The following SNCB variants were observed in gnomAD, a reference collection of about 807,000 sequenced individuals.
SNCB encodes the protein beta-synuclein.
Under a neutral mutation model 20.0 loss-of-function variants are expected in SNCB, and 8 were observed. That is an observed-to-expected ratio of 0.40 (90% confidence interval 0.24 to 0.72). The LOEUF (loss-of-function observed/expected upper bound fraction) is 0.72. SNCB is among the 30% of genes least tolerant of loss of function. The pLI is 0.37. For missense variants in SNCB, 125 were observed against 168.0 expected (o/e 0.74, Z 1.41); for synonymous variants, 56 against 65.4 (o/e 0.86, Z 0.69).
Position 176,626,282 on chromosome 5 carries a change from G to A in SNCB, c.282+116C>T. On this transcript the variant is annotated intron_variant, in intron 4 of 5. Coordinates refer to ENST00000393693, the MANE Select transcript of SNCB (RefSeq NM_003085.5). The surrounding 1 kb of genome is among the most constrained non-coding windows in gnomAD (Gnocchi z 4.2). Reference sequence around the variant, plus strand: ...GGAGGCAAAGTGGCTTGTGTTCCAAGCTGGTGGCAGGATTAGGGGGGCGGG... The same window carrying A: ...GGAGGCAAAGTGGCTTGTGTTCCAAACTGGTGGCAGGATTAGGGGGGCGGG... 1 of 832,114 alleles carries A rather than the reference G, an allele frequency of 1.2e-6. No individual in the cohort carries two copies. The highest frequency in any genetic ancestry group is 2.1e-6 in the Non-Finnish European group (1 of 481,850). 51.5% of individuals were successfully genotyped at this position (832,114 alleles called of 1,614,324 possible). A position where few individuals can be genotyped will look rare whatever the true frequency, so the allele number is the denominator to read the frequency against.
In SNCB at chr5:176,621,957, G is replaced by A. The variant is rs923321; in HGVS notation, c.283-654C>T. 0.99 allele frequency among the ~76,000 whole-genome samples: 150,139 copies of A among 152,366 alleles called. 74,009 individuals are homozygous for A. Among genetic ancestry groups the A allele is most frequent in the Middle Eastern group, 1 (294 of 294 alleles). Reference sequence around the variant, plus strand: ...GCCAGCCACCTGCAGGTGACCACATGTATGTGAACAAACATGGGACTGAGC... The same window carrying A: ...GCCAGCCACCTGCAGGTGACCACATATATGTGAACAAACATGGGACTGAGC... On this transcript the variant is annotated intron_variant, in intron 4 of 5. Coordinates refer to ENST00000393693, the MANE Select transcript of SNCB (RefSeq NM_003085.5). The surrounding 1 kb of genome is among the most constrained non-coding windows in gnomAD (Gnocchi z 4.1).
Position 176,629,990 on chromosome 5 carries a change from C to T in SNCB, c.-10+290G>A, listed in dbSNP as rs893112970. 1.9e-5 allele frequency: 5 copies of T among 269,664 alleles called. No individual in the cohort carries two copies. The highest frequency in any genetic ancestry group is 9.8e-5 in the East Asian group (1 of 10,204). 16.7% of individuals were successfully genotyped at this position (269,664 alleles called of 1,614,324 possible). The stretch of plus-strand genomic sequence containing the variant: ...CCTGTACACGCACGGCACAGTCACA[C>T]GGTCATGCACACAAACATACACCAC... On this transcript the variant is annotated intron_variant, in intron 1 of 5. Transcript: ENST00000393693. This position sits in a 1 kb window ranked among gnomAD's most constrained non-coding sequence, Gnocchi z 4.1.
At position 176,620,815 on chromosome 5, in the gene SNCB, G is replaced by A. The variant is rs189337482; in HGVS notation, c.401C>T (p.Ala134Val). ...GGTGGGGGCTCTCCTGGGCCCCTAC[G>A]CCTCTGGCTCATACTCCTGATATTC... ...QEEYQEYEPEA is the reference protein window; with the variant it reads ...QEEYQEYEPEV The change falls in exon 6 of 6, where the codon GCG becomes GTG. Residue 134 changes from alanine (A) to valine (V), a missense_variant. Coordinates refer to ENST00000393693, the MANE Select transcript of SNCB (RefSeq NM_003085.5). This position sits in a 1 kb window ranked among gnomAD's most constrained non-coding sequence, Gnocchi z 4.5. The A allele has an allele frequency of 7.4e-6, 12 of 1,613,498 alleles. No individual in the cohort carries two copies. In the Admixed American group the frequency reaches 1.7e-4, roughly 22 times the overall value.
chr5:176,623,121 C>T (rs760028043), intron 4 of SNCB, among the ~76,000 whole-genome samples: 6 of 152,098 alleles, frequency 3.9e-5, no homozygotes, highest in Admixed American at 6.5e-5. Flanking sequence ...TAGTGGCTCA[C>T]GCCCGTTACC....
chr5:176,626,572 G>T lies in SNCB; in HGVS notation c.164-56C>A. On this transcript the variant is annotated intron_variant, in intron 3 of 5. Transcript: ENST00000393693. The surrounding 1 kb of genome is among the most constrained non-coding windows in gnomAD (Gnocchi z 4.2). Reference sequence around the variant, plus strand: ...TTGGGAGCCAGGGGGAAACACCGATGCCCTGCCTTGTAGTATCCCAGGGCC... The same window carrying T: ...TTGGGAGCCAGGGGGAAACACCGATTCCCTGCCTTGTAGTATCCCAGGGCC... The T allele has an allele frequency of 6.6e-7, 1 of 1,520,472 alleles. No homozygotes were observed. The highest frequency in any genetic ancestry group is 9.1e-7 in the Non-Finnish European group (1 of 1,094,818). The allele number at this position is 1,520,472 out of a possible 1,614,324, so 94.2% of individuals were successfully genotyped here.
chr5:176,626,359 TG>T lies in SNCB; in HGVS notation c.282+38del. On this transcript the variant is annotated intron_variant, in intron 4 of 5. Coordinates refer to ENST00000393693, the MANE Select transcript of SNCB (RefSeq NM_003085.5). This position sits in a 1 kb window ranked among gnomAD's most constrained non-coding sequence, Gnocchi z 4.2. ...TGGTGTGTGTGTGTGTGTGTGTGTG[TG>T]TGTTTGCCTGCATGTGCGGGTCAGA... The T allele has an allele frequency of 1.8e-6, 2 of 1,131,784 alleles. No individual in the cohort carries two copies. The highest frequency in any genetic ancestry group is 1.3e-6 in the Non-Finnish European group (1 of 741,482). 70.1% of individuals were successfully genotyped at this position (1,131,784 alleles called of 1,614,324 possible). A position where few individuals can be genotyped will look rare whatever the true frequency, so the allele number is the denominator to read the frequency against.
rs1459758833 is a variant in SNCB, at chr5:176,629,776, C to T, written c.-9-113G>A. On this transcript the variant is annotated intron_variant, in intron 1 of 5. Transcript: ENST00000393693. This position sits in a 1 kb window ranked among gnomAD's most constrained non-coding sequence, Gnocchi z 4.1. The stretch of plus-strand genomic sequence containing the variant: ...CCGAGACCGCGGCGCCCTTCTGGAC[C>T]CTGAGCCCCCTCCCGCTTTCCCCCC... The T allele has an allele frequency of 2.2e-6, 3 of 1,389,778 alleles. No homozygotes were observed. The highest frequency in any genetic ancestry group is 2.9e-6 in the Non-Finnish European group (3 of 1,039,996). The allele number at this position is 1,389,778 out of a possible 1,614,324, so 86.1% of individuals were successfully genotyped here.
chr5:176,625,061 C>T (rs1030158914), intron 4 of SNCB, among the ~76,000 whole-genome samples: 11 of 152,198 alleles, frequency 7.2e-5, no homozygotes, highest in East Asian at 3.9e-4. Flanking sequence ...AGGGTCTGCA[C>T]GCGTCCATGG....
In SNCB at chr5:176,629,819, A is replaced by C; in HGVS notation, c.-9-156T>G. The C allele has an allele frequency of 9.5e-7, 1 of 1,049,618 alleles. No individual in the cohort carries two copies. The highest frequency in any genetic ancestry group is 1.3e-6 in the Non-Finnish European group (1 of 752,298). 65.0% of individuals were successfully genotyped at this position (1,049,618 alleles called of 1,614,324 possible). On this transcript the variant is annotated intron_variant, in intron 1 of 5. Coordinates refer to ENST00000393693, the MANE Select transcript of SNCB (RefSeq NM_003085.5). This position sits in a 1 kb window ranked among gnomAD's most constrained non-coding sequence, Gnocchi z 4.1. ...TTCCCCCCATCCCACCCCACTCCCC[A>C]GTGCGAAGCCTCAGGGCCGCGGAGA...
chr5:176,624,827 A>AAT (rs1759842303), intron 4 of SNCB, among the ~76,000 whole-genome samples: 1 of 151,804 alleles, frequency 6.6e-6, no homozygotes, highest in Non-Finnish European at 1.5e-5. Context: ...ACAAAAAAAA[A>AAT]CAAATGGGAA....
intron 2 of SNCB, among the ~76,000 whole-genome samples, chr5:176,628,708 G>A (rs1285522982): frequency 6.6e-6 from 1 of 152,164 alleles, no homozygotes; most frequent in Non-Finnish European, 1.5e-5. Context: ...ATGTCAACTC[G>A]CACTGCTGAA....
At chr5:176,627,602 C>G (rs1581174784) in intron 2 of SNCB, among the ~76,000 whole-genome samples, 1 of 151,868 alleles carries the variant, frequency 6.6e-6, no homozygotes, top group South Asian at 2.1e-4. Context: ...GACAATTTGG[C>G]AACACAGACA....
At chr5:176,624,658 C>T (rs1422910507) in intron 4 of SNCB, among the ~76,000 whole-genome samples, 9 of 151,954 alleles carry the variant, frequency 5.9e-5, no homozygotes, top group South Asian at 2.1e-4. Flanking sequence ...AAAAATTAGC[C>T]GGGTGTGGTA....
chr5:176,621,482 G>A lies in SNCB; in HGVS notation c.283-179C>T, dbSNP rs566875045. Among the ~76,000 whole-genome samples the A allele has an allele frequency of 6.6e-6, 1 of 152,346 alleles. No individual in the cohort carries two copies. Among genetic ancestry groups the A allele is most frequent in the African/African-American group, 2.4e-5 (1 of 41,586 alleles). On this transcript the variant is annotated intron_variant, in intron 4 of 5. Transcript: ENST00000393693. This position sits in a 1 kb window ranked among gnomAD's most constrained non-coding sequence, Gnocchi z 4.1. ...TGGAAGTGGGATGGAGGTGAAGGGG[G>A]AAATTCCCCCGAATCACAGTTGAAG...
intron 4 of SNCB, among the ~76,000 whole-genome samples, chr5:176,622,818 C>T (rs60813154): frequency 6.6e-6 from 1 of 150,630 alleles, no homozygotes; most frequent in Non-Finnish European, 1.5e-5. Flanking sequence ...CTCACCGCAA[C>T]CTCAGCCTCC....
chr5:176,627,833 G>A (rs1418047822), intron 2 of SNCB, among the ~76,000 whole-genome samples: 1 of 152,224 alleles, frequency 6.6e-6, no homozygotes, highest in African/African-American at 2.4e-5. Flanking sequence ...GTCTGAAGTG[G>A]GTAAGAGAAG....
In SNCB at chr5:176,629,779, G is replaced by A; in HGVS notation, c.-9-116C>T. ...AGACCGCGGCGCCCTTCTGGACCCT[G>A]AGCCCCCTCCCGCTTTCCCCCCATC... On this transcript the variant is annotated intron_variant, in intron 1 of 5. Transcript: ENST00000393693. The surrounding 1 kb of genome is among the most constrained non-coding windows in gnomAD (Gnocchi z 4.1). The A allele has an allele frequency of 7.2e-7, 1 of 1,384,272 alleles. No homozygotes were observed. The highest frequency in any genetic ancestry group is 9.7e-7 in the Non-Finnish European group (1 of 1,035,928). The allele number at this position is 1,384,272 out of a possible 1,614,324, so 85.7% of individuals were successfully genotyped here.
Position 176,623,011 on chromosome 5 carries a change from G to A in SNCB, c.283-1708C>T, listed in dbSNP as rs186466975. Among the ~76,000 whole-genome samples the A allele has an allele frequency of 1.1e-3, 161 of 152,048 alleles. 3 individuals are homozygous for A. The highest frequency in any genetic ancestry group is 0.01 in the Admixed American group (154 of 15,278). On this transcript the variant is annotated intron_variant, in intron 4 of 5. Transcript: ENST00000393693. ...CTCGGCCTCATGCCTGGGATTACAG[G>A]CATGAGCCACTGTGCCCAGCCTCAT...
chr5:176,623,534 C>T (rs1283678733), intron 4 of SNCB, among the ~76,000 whole-genome samples: 1 of 152,014 alleles, frequency 6.6e-6, no homozygotes, highest in East Asian at 1.9e-4. Context: ...GAGTGAGTGC[C>T]CCAGACACCT....
Sources: gnomAD v4.1 joint callset for allele counts (sites outside exome capture counted in the v4.1 genomes callset) on GRCh38, gnomAD v4.1.1 for gene constraint, Gnocchi (gnomAD v3.1) non-coding constraint, MANE v1.5 for transcripts, NCBI Gene and HGNC (gene_info 2026-07-23, HGNC 2026-07-21) for gene names.